Variants in SH3BGRL observed in about 807,000 individuals in gnomAD.
SH3BGRL encodes the protein adapter SH3BGRL.
Under a neutral mutation model 9.8 loss-of-function variants are expected in SH3BGRL, and 7 were observed. The observed-to-expected ratio is 0.72, with a 90% confidence interval of 0.41 to 1.35. SH3BGRL has a LOEUF of 1.35. Ranked by LOEUF, SH3BGRL falls within the 40% of genes most tolerant of loss-of-function variation. SH3BGRL has a pLI of 0.01. For synonymous variants in SH3BGRL, 36 were observed against 29.1 expected, an observed-to-expected ratio of 1.24 and a Z score of -0.76; for missense variants, 73 against 84.4, an observed-to-expected ratio of 0.86 and a Z score of 0.53.
At chrX:81,271,058 C>A (rs1196802969) in intron 1 of SH3BGRL, among the ~76,000 whole-genome samples, 1 of 112,323 alleles carries the variant, frequency 8.9e-6, no homozygotes, top group Non-Finnish European at 1.9e-5. Flanking sequence ...CCAAGCCAGG[C>A]ATGGGAGGGG....
chrX:81,291,894 A>T (rs2075859105), intron 3 of SH3BGRL, among the ~76,000 whole-genome samples: 1 of 112,175 alleles, frequency 8.9e-6, no homozygotes, highest in Non-Finnish European at 1.9e-5. Context: ...TGCATGTCTC[A>T]CATCCAGGGC....
Position 81,222,789 on chromosome X carries a change from A to G in SH3BGRL, c.45+20544A>G, listed in dbSNP as rs911441381. ...GTTGAACTATTTTACAGTCCCACCA[A>G]CAGTGTAAAAGTGTTCCTATTTCTC... On this transcript the variant is annotated intron_variant, in intron 1 of 3. Coordinates refer to ENST00000373212, the MANE Select transcript of SH3BGRL (RefSeq NM_003022.3). Among the ~76,000 whole-genome samples the G allele has an allele frequency of 2.7e-5, 3 of 111,675 alleles. No individual in the cohort carries two copies. In the Admixed American group the frequency reaches 2.8e-4, roughly 11 times the overall value.
intron 1 of SH3BGRL, among the ~76,000 whole-genome samples, chrX:81,255,950 C>T (rs1188935317): frequency 8.9e-6 from 1 of 112,076 alleles, no homozygotes; most frequent in Non-Finnish European, 1.9e-5. Context: ...TTTATTTCAA[C>T]CTAGAATCAT....
chrX:81,259,578 T>G (rs772213267), intron 1 of SH3BGRL, among the ~76,000 whole-genome samples: 1 of 111,960 alleles, frequency 8.9e-6, no homozygotes, highest in Non-Finnish European at 1.9e-5. Flanking sequence ...TAGTCAGAAA[T>G]TTTTGAAATG....
intron 1 of SH3BGRL, among the ~76,000 whole-genome samples, chrX:81,230,215 A>G (rs1165704872): frequency 8.9e-6 from 1 of 112,464 alleles, no homozygotes; most frequent in Non-Finnish European, 1.9e-5. Flanking sequence ...AGCATCTTCT[A>G]TGTGCTTGAC....
At chrX:81,242,011 A>T (rs1343239089) in intron 1 of SH3BGRL, among the ~76,000 whole-genome samples, 1 of 112,352 alleles carries the variant, frequency 8.9e-6, no homozygotes, top group East Asian at 2.8e-4. Flanking sequence ...CTTGGCAGGT[A>T]TGGGATCCAG....
intron 1 of SH3BGRL, among the ~76,000 whole-genome samples, chrX:81,248,840 G>C (rs180781351): frequency 8.9e-6 from 1 of 111,862 alleles, no homozygotes; most frequent in Admixed American, 9.5e-5. Context: ...GGCCTGGGTT[G>C]CTTGGATCCC....
At chrX:81,274,987 C>T (rs953615892) in intron 1 of SH3BGRL, among the ~76,000 whole-genome samples, 2 of 110,911 alleles carry the variant, frequency 1.8e-5, no homozygotes, top group African/African-American at 6.6e-5. Context: ...GGGAGAAATA[C>T]TTGGTCATTA....
At chrX:81,248,387 C>T (rs1241605428) in intron 1 of SH3BGRL, among the ~76,000 whole-genome samples, 1 of 112,171 alleles carries the variant, frequency 8.9e-6, no homozygotes, top group African/African-American at 3.2e-5. Context: ...ACGATTTCAG[C>T]GGACCAGGCT....
At chrX:81,218,794 TATATAG>T (rs200310468) in intron 1 of SH3BGRL, among the ~76,000 whole-genome samples, 14,608 of 100,079 alleles carry the variant, frequency 0.15, 960 homozygotes, top group Non-Finnish European at 0.18. Flanking sequence ...TCTGTATGTA[TATATAG>T]ATATAGATAT....
chrX:81,203,222 T>C (rs776700000), intron 1 of SH3BGRL, among the ~76,000 whole-genome samples: 50 of 112,057 alleles, frequency 4.5e-4, no homozygotes, highest in African/African-American at 1.2e-3. Context: ...GTTCAGATTG[T>C]AGGGTATAGG....
At chrX:81,249,455 A>G (rs745332364) in intron 1 of SH3BGRL, among the ~76,000 whole-genome samples, 3 of 111,851 alleles carry the variant, frequency 2.7e-5, no homozygotes, top group Non-Finnish European at 3.8e-5. Flanking sequence ...AATTTTCCTC[A>G]CTGTTTTCCT....
intron 3 of SH3BGRL, among the ~76,000 whole-genome samples, chrX:81,280,493 G>A (rs747028285): frequency 8.9e-6 from 1 of 111,822 alleles, no homozygotes; most frequent in Non-Finnish European, 1.9e-5. Context: ...TCACATCGCA[G>A]GACTCTGTGC....
At chrX:81,216,266 A>G (rs769830739) in intron 1 of SH3BGRL, among the ~76,000 whole-genome samples, 2 of 110,256 alleles carry the variant, frequency 1.8e-5, no homozygotes, top group African/African-American at 6.6e-5. Context: ...AATATGCATT[A>G]TTTACTTTGT....
chrX:81,258,789 C>T (rs2075732991), intron 1 of SH3BGRL, among the ~76,000 whole-genome samples: 2 of 112,033 alleles, frequency 1.8e-5, no homozygotes, highest in Non-Finnish European at 3.8e-5. Context: ...GCCTTTCCTA[C>T]AATAGATCAG....
At chrX:81,296,045 G>A (rs767586556) in intron 3 of SH3BGRL, among the ~76,000 whole-genome samples, 5 of 111,657 alleles carry the variant, frequency 4.5e-5, no homozygotes, top group African/African-American at 6.5e-5. Flanking sequence ...GAAGAAAGAG[G>A]TTTAATTGAC....
chrX:81,228,544 A>G (rs2075623788), intron 1 of SH3BGRL, among the ~76,000 whole-genome samples: 1 of 111,462 alleles, frequency 9.0e-6, no homozygotes, highest in Non-Finnish European at 1.9e-5. Flanking sequence ...TCAAATTTAA[A>G]GAGCCTGTTC....
intron 1 of SH3BGRL, among the ~76,000 whole-genome samples, chrX:81,226,038 G>A (rs1005952200): frequency 9.0e-6 from 1 of 110,781 alleles, no homozygotes; most frequent in African/African-American, 3.3e-5. Context: ...CCTATCTAAC[G>A]GTAGTTTTAT....
chrX:81,245,049 T>C (rs1300901332), intron 1 of SH3BGRL, among the ~76,000 whole-genome samples: 4 of 112,146 alleles, frequency 3.6e-5, no homozygotes, highest in Non-Finnish European at 7.5e-5. Context: ...GAATGTCTTC[T>C]GATTTAGAAT....
Sources: gnomAD v4.1 joint callset for allele counts (sites outside exome capture counted in the v4.1 genomes callset) on GRCh38, gnomAD v4.1.1 for gene constraint, MANE v1.5 for transcripts, NCBI Gene and HGNC (gene_info 2026-07-23, HGNC 2026-07-21) for gene names.